The following EBF2 variants were observed in gnomAD, a reference collection of about 807,000 sequenced individuals.
The protein encoded by EBF2 is EBF transcription factor 2.
A neutral mutation model predicts 72.8 loss-of-function variants in EBF2; 21 were observed. The ratio of observed to expected loss-of-function variants is 0.29; its 90% CI spans 0.20 to 0.42. The LOEUF is 0.42. Among genes scored for constraint, EBF2 ranks in the 10% least tolerant of loss-of-function variants. The probability of loss-of-function intolerance (pLI) is 1.00; values close to 1 mark genes in which losing one functional copy is unlikely to be tolerated. For synonymous variants in EBF2, 299 were observed against 274.2 expected (o/e 1.09, Z -0.89); for missense variants, 637 against 731.2 (o/e 0.87, Z 1.49).
chr8:26,037,131 T>C (rs1805516095), intron 5 of EBF2, among the ~76,000 whole-genome samples: 1 of 152,104 alleles, frequency 6.6e-6, no homozygotes, highest in South Asian at 2.1e-4. Context: ...TCTCCCCATC[T>C]CCACCCGGAG....
At chr8:25,845,202 A>C (rs1306611853) in intron 15 of EBF2, among the ~76,000 whole-genome samples, 1 of 152,016 alleles carries the variant, frequency 6.6e-6, no homozygotes, top group Non-Finnish European at 1.5e-5. Context: ...AACACTGATC[A>C]CTGGAATAGA....
intron 6 of EBF2, among the ~76,000 whole-genome samples, chr8:25,960,022 G>T (rs559293108): frequency 2.0e-5 from 3 of 152,106 alleles, no homozygotes; most frequent in Non-Finnish European, 2.9e-5. Flanking sequence ...GGTTCTGGTC[G>T]GGTGAACTTT....
chr8:25,940,530 A>G (rs1174070933), intron 6 of EBF2, among the ~76,000 whole-genome samples: 1 of 152,076 alleles, frequency 6.6e-6, no homozygotes, highest in Non-Finnish European at 1.5e-5. Context: ...ATTATTAGCC[A>G]TAGAGGTTCA....
intron 6 of EBF2, among the ~76,000 whole-genome samples, chr8:26,014,596 A>T (rs557833504): frequency 3.3e-5 from 5 of 152,322 alleles, no homozygotes; most frequent in African/African-American, 9.6e-5. Flanking sequence ...GATTTTGCTT[A>T]ACATTTTCTC....
intron 6 of EBF2, among the ~76,000 whole-genome samples, chr8:25,943,298 C>A (rs1156931559): frequency 7.1e-6 from 1 of 141,060 alleles, no homozygotes; most frequent in South Asian, 2.3e-4. Flanking sequence ...AAGACATAAC[C>A]CCTGTCTCTA....
At chr8:25,959,776 G>T (rs377261273) in intron 6 of EBF2, among the ~76,000 whole-genome samples, 111 of 152,042 alleles carry the variant, frequency 7.3e-4, no homozygotes, top group Middle Eastern at 3.4e-3. Context: ...CAACTCCAGA[G>T]TCTCATGCAA....
rs968828812 is a variant in EBF2 at position 26,044,669 on chromosome 8, A to G, written c.131+60T>C. 6 of 1,571,872 alleles carry G rather than the reference A, an allele frequency of 3.8e-6. No individual in the cohort carries two copies. Among genetic ancestry groups the G allele is most frequent in the Non-Finnish European group, 4.3e-6 (5 of 1,153,056 alleles). On this transcript the variant is annotated intron_variant, in intron 1 of 15. Coordinates refer to ENST00000520164, the MANE Select transcript of EBF2 (RefSeq NM_022659.4). The surrounding 1 kb of genome is among the most constrained non-coding windows in gnomAD (Gnocchi z 4.1). Reference sequence around the variant, plus strand: ...CACGGGGTGCGCGGGGGGGGTGCACACGGAGAGACAGACCGTAAGAGCGAG... The same window carrying G: ...CACGGGGTGCGCGGGGGGGGTGCACGCGGAGAGACAGACCGTAAGAGCGAG...
intron 6 of EBF2, among the ~76,000 whole-genome samples, chr8:25,942,746 A>G (rs994924298): frequency 1.3e-5 from 2 of 152,178 alleles, no homozygotes; most frequent in Non-Finnish European, 2.9e-5. Flanking sequence ...GGTGCAGAGC[A>G]GCTGTGAAAA....
chr8:25,859,097 T>A (rs770381014), intron 13 of EBF2, among the ~76,000 whole-genome samples: 5 of 152,174 alleles, frequency 3.3e-5, no homozygotes, highest in Non-Finnish European at 7.4e-5. Flanking sequence ...GAGTTCCCTC[T>A]CCCAAATCAT....
chr8:25,890,384 C>T (rs552260311), intron 7 of EBF2, among the ~76,000 whole-genome samples: 1 of 152,218 alleles, frequency 6.6e-6, no homozygotes, highest in South Asian at 2.1e-4. Context: ...AGCGATGCCT[C>T]GACTTTTGCT....
chr8:25,989,682 G>A (rs1804514716), intron 6 of EBF2, among the ~76,000 whole-genome samples: 1 of 152,208 alleles, frequency 6.6e-6, no homozygotes, highest in Non-Finnish European at 1.5e-5. Flanking sequence ...TCTCTTTCCA[G>A]TATGCCTGCA....
chr8:25,943,270 C>G (rs1803708983), intron 6 of EBF2, among the ~76,000 whole-genome samples: 1 of 132,808 alleles, frequency 7.5e-6, no homozygotes. Context: ...AGTTGGAGAC[C>G]AGCCTGGGCA....
chr8:25,969,208 G>A (rs1052074578), intron 6 of EBF2, among the ~76,000 whole-genome samples: 1 of 152,170 alleles, frequency 6.6e-6, no homozygotes, highest in Admixed American at 6.5e-5. Flanking sequence ...TCTGTGTAAT[G>A]ACAAACTCCA....
chr8:25,975,755 A>G (rs1416743447), intron 6 of EBF2, among the ~76,000 whole-genome samples: 1 of 152,206 alleles, frequency 6.6e-6, no homozygotes, highest in African/African-American at 2.4e-5. Flanking sequence ...TCATTTCTAC[A>G]GTAACTCTAC....
intron 14 of EBF2, among the ~76,000 whole-genome samples, chr8:25,856,571 TTGTAAGC>T (rs1802097924): frequency 6.6e-6 from 1 of 152,190 alleles, no homozygotes; most frequent in African/African-American, 2.4e-5. Context: ...TCAACATGCT[TTGTAAGC>T]TGTAAAGTGG....
chr8:26,012,589 T>G (rs1176906971), intron 6 of EBF2, among the ~76,000 whole-genome samples: 2 of 152,200 alleles, frequency 1.3e-5, no homozygotes, highest in African/African-American at 4.8e-5. Flanking sequence ...AAGACAAAGA[T>G]GAAGTGTGTG....
intron 7 of EBF2, among the ~76,000 whole-genome samples, chr8:25,891,468 G>A (rs1333960081): frequency 7.2e-5 from 11 of 152,144 alleles, no homozygotes; most frequent in South Asian, 6.2e-4. Context: ...ATGAAGAGTC[G>A]TGTTTAAAAA....
rs138076154 is a variant in EBF2, at chr8:26,012,539, T to C, written c.551+20546A>G. Among the ~76,000 whole-genome samples the C allele has an allele frequency of 5.9e-5, 9 of 152,320 alleles. No individual in the cohort carries two copies. In the East Asian group the frequency reaches 1.7e-3, roughly 29 times the overall value. ...CTCCTATATAAAACAGGCCCTTTCATTTATACCAAGAGCATTTGCATTCGA... is the reference window on the plus strand; with the variant it reads ...CTCCTATATAAAACAGGCCCTTTCACTTATACCAAGAGCATTTGCATTCGA... On this transcript the variant is annotated intron_variant, in intron 6 of 15. Transcript: ENST00000520164.
At chr8:26,042,863 C>G (rs982121804) in intron 1 of EBF2, among the ~76,000 whole-genome samples, 21 of 152,104 alleles carry the variant, frequency 1.4e-4, no homozygotes, top group Non-Finnish European at 7.4e-5. Flanking sequence ...CCTTGGGCTG[C>G]TTGCCTCGCT....
Sources: allele counts gnomAD v4.1 joint callset (sites outside exome capture counted in the v4.1 genomes callset), GRCh38; gene constraint gnomAD v4.1.1; non-coding constraint Gnocchi (gnomAD v3.1); transcripts MANE v1.5; gene names NCBI Gene and HGNC (gene_info 2026-07-23, HGNC 2026-07-21).